Variants in KLHL14 observed in about 807,000 individuals in gnomAD.
KLHL14 encodes the protein kelch-like protein 14.
In KLHL14, 22 loss-of-function variants were observed where a neutral mutation model predicts 64.3. The observed-to-expected ratio is 0.34, with a 90% CI of 0.24 to 0.49. The LOEUF is 0.49. Ranked by LOEUF, KLHL14 falls within the 20% of genes least tolerant of loss-of-function variation. KLHL14 has a pLI of 0.99. For missense variants in KLHL14, 661 were observed against 789.0 expected (o/e 0.84, Z 1.94); for synonymous variants, 322 against 333.4 (o/e 0.97, Z 0.37).
At chr18:32,754,511 T>C (rs1018363072) in intron 2 of KLHL14, among the ~76,000 whole-genome samples, 44 of 152,342 alleles carry the variant, frequency 2.9e-4, no homozygotes, top group Non-Finnish European at 2.1e-4. Context: ...GACATAATGG[T>C]AGAAATGAAT....
At chr18:32,713,981 TATAA>T (rs1466155905) in intron 3 of KLHL14, among the ~76,000 whole-genome samples, 1 of 152,174 alleles carries the variant, frequency 6.6e-6, no homozygotes, top group African/African-American at 2.4e-5. Flanking sequence ...AAAATTTACA[TATAA>T]ATAAACATAT....
intron 4 of KLHL14, among the ~76,000 whole-genome samples, chr18:32,689,380 T>G (rs887617295): frequency 6.6e-6 from 1 of 151,754 alleles, no homozygotes; most frequent in African/African-American, 2.4e-5. Flanking sequence ...GGGGGAAAGG[T>G]GTGGTATTTT....
chr18:32,728,633 C>T (rs2050118976), intron 3 of KLHL14, among the ~76,000 whole-genome samples: 1 of 152,068 alleles, frequency 6.6e-6, no homozygotes, highest in Non-Finnish European at 1.5e-5. Context: ...TAGGGTAGGC[C>T]CTAACACCAA....
At chr18:32,739,240 G>A (rs978396290) in intron 3 of KLHL14, among the ~76,000 whole-genome samples, 31 of 152,228 alleles carry the variant, frequency 2.0e-4, no homozygotes, top group African/African-American at 7.0e-4. Context: ...AAGAATGGCA[G>A]TGGAAAGTTC....
chr18:32,752,630 A>C (rs770631920), intron 2 of KLHL14, among the ~76,000 whole-genome samples: 9 of 152,232 alleles, frequency 5.9e-5, no homozygotes, highest in Non-Finnish European at 1.2e-4. Flanking sequence ...ACCAAACTTC[A>C]GTTATCAGTA....
intron 3 of KLHL14, among the ~76,000 whole-genome samples, chr18:32,727,976 G>A (rs116600433): frequency 0.018 from 2,773 of 152,086 alleles, 80 homozygotes; most frequent in African/African-American, 0.059. Context: ...AGAAAGCAGC[G>A]GTAGAAGCTG....
At chr18:32,760,856 G>C (rs1337340111) in intron 2 of KLHL14, among the ~76,000 whole-genome samples, 2 of 152,154 alleles carry the variant, frequency 1.3e-5, no homozygotes, top group African/African-American at 2.4e-5. Context: ...AAATTGCTGA[G>C]AGCTGTCGAA....
intron 3 of KLHL14, among the ~76,000 whole-genome samples, chr18:32,720,922 A>G (rs2050076145): frequency 6.6e-6 from 1 of 152,208 alleles, no homozygotes; most frequent in African/African-American, 2.4e-5. Flanking sequence ...TATAATGGCC[A>G]TTACTCTCCT....
chr18:32,755,140 T>A (rs2050275390), intron 2 of KLHL14, among the ~76,000 whole-genome samples: 1 of 152,000 alleles, frequency 6.6e-6, no homozygotes, highest in Non-Finnish European at 1.5e-5. Context: ...CTTTGCTGTA[T>A]CACCAACCCT....
At chr18:32,688,438 T>C (rs888971107) in intron 4 of KLHL14, among the ~76,000 whole-genome samples, 2 of 152,204 alleles carry the variant, frequency 1.3e-5, no homozygotes, top group Admixed American at 1.3e-4. Flanking sequence ...TATAAATGAA[T>C]AAACAAACAT....
intron 4 of KLHL14, among the ~76,000 whole-genome samples, chr18:32,692,994 G>A (rs995136438): frequency 2.6e-5 from 4 of 152,186 alleles, no homozygotes; most frequent in Non-Finnish European, 5.9e-5. Context: ...GATGGATGGA[G>A]TATAGAAACC....
chr18:32,762,106 CA>C (rs1247525258), intron 2 of KLHL14, among the ~76,000 whole-genome samples: 1 of 151,562 alleles, frequency 6.6e-6, no homozygotes, highest in Non-Finnish European at 1.5e-5. Context: ...AAAAAAAAAA[CA>C]ACAAAAAATC....
At chr18:32,758,487 G>A (rs1422443906) in intron 2 of KLHL14, among the ~76,000 whole-genome samples, 1 of 152,160 alleles carries the variant, frequency 6.6e-6, no homozygotes, top group African/African-American at 2.4e-5. Flanking sequence ...AATGTAAAAT[G>A]GTGCAGCTGC....
rs1189734465 is a variant in KLHL14 at position 32,741,929 on chromosome 18, T to G, written c.1068A>C (p.Thr356=). The change falls in exon 3 of 9, where the codon ACA becomes ACC. Residue 356 remains threonine, a splice_region_variant and synonymous_variant. Coordinates refer to ENST00000359358, the MANE Select transcript of KLHL14 (RefSeq NM_020805.3). ...TAAATAAATAAATAATGCACTCACT[T>G]GTGAGTATTTTCCATGTCTTCTTTT... ...DDEKKTWKIL[T]IMPYNSAHHC... 1 of 1,597,374 alleles carries G rather than the reference T, an allele frequency of 6.3e-7. No homozygotes were observed. Among genetic ancestry groups the G allele is most frequent in the Non-Finnish European group, 8.5e-7 (1 of 1,174,348 alleles).
chr18:32,674,854 A>C, intron 8 of KLHL14, 57 bp from the exon 9 acceptor site: 1 of 743,156 alleles, frequency 1.3e-6, no homozygotes. Context: ...TGCAATGGCA[A>C]TGTTACTGAT....
At position 32,683,852 on chromosome 18, in the gene KLHL14, T is replaced by G. The variant is rs922674353; in HGVS notation, c.1239-3253A>C. Among the ~76,000 whole-genome samples the G allele has an allele frequency of 1.3e-5, 2 of 152,180 alleles. No individual in the cohort carries two copies. The highest frequency in any genetic ancestry group is 4.8e-5 in the African/African-American group (2 of 41,450). ...GAATTTTTGACTTTTGTCGTTGGAT[T>G]AAAAACAATGGATATGTTAGAAAGA... On this transcript the variant is annotated intron_variant, in intron 5 of 8. Coordinates refer to ENST00000359358, the MANE Select transcript of KLHL14 (RefSeq NM_020805.3). The surrounding 1 kb of genome is among the most constrained non-coding windows in gnomAD (Gnocchi z 4.2).
intron 2 of KLHL14, among the ~76,000 whole-genome samples, chr18:32,767,059 A>AAAAACTAC (rs1386813998): frequency 6.6e-6 from 1 of 152,202 alleles, no homozygotes; most frequent in Non-Finnish European, 1.5e-5. Context: ...TTTAGAGTTT[A>AAAAACTAC]AAAACTACAG....
chr18:32,699,726 A>G (rs1197669981), intron 3 of KLHL14, among the ~76,000 whole-genome samples: 2 of 152,158 alleles, frequency 1.3e-5, no homozygotes, highest in Non-Finnish European at 2.9e-5. Context: ...AATTTTTTAT[A>G]TTGAATCATA....
At chr18:32,762,096 A>T (rs1414033485) in intron 2 of KLHL14, among the ~76,000 whole-genome samples, 4 of 149,476 alleles carry the variant, frequency 2.7e-5, no homozygotes, top group Non-Finnish European at 3.0e-5. Context: ...CAATGGATTT[A>T]AAAAAAAAAC....
Sources: gnomAD v4.1 joint callset for allele counts (sites outside exome capture counted in the v4.1 genomes callset) on GRCh38, gnomAD v4.1.1 for gene constraint, Gnocchi (gnomAD v3.1) non-coding constraint, MANE v1.5 for transcripts, NCBI Gene and HGNC (gene_info 2026-07-23, HGNC 2026-07-21) for gene names.